Variants in BRAF observed in about 807,000 individuals in gnomAD.
BRAF encodes serine/threonine-protein kinase B-raf.
In BRAF, 16 loss-of-function variants were observed where a neutral mutation model predicts 104.6. That is an observed-to-expected ratio of 0.15 (90% CI 0.10 to 0.23). The LOEUF (loss-of-function observed/expected upper bound fraction) is 0.23, where lower values mean the gene tolerates loss of function less well. Among genes scored for constraint, BRAF ranks in the 10% least tolerant of loss-of-function variants. The probability of loss-of-function intolerance (pLI) is 1.00; values close to 1 mark genes in which losing one functional copy is unlikely to be tolerated. For synonymous variants in BRAF, 310 were observed against 341.6 expected (o/e 0.91, Z 1.02); for missense variants, 541 against 937.3 (o/e 0.58, Z 5.52).
chr7:140,779,175 G>A (rs1376903203), intron 12 of BRAF, among the ~76,000 whole-genome samples: 1 of 152,208 alleles, frequency 6.6e-6, no homozygotes, highest in African/African-American at 2.4e-5. Flanking sequence ...CCTTGGGAGA[G>A]AGGTGATTGG....
chr7:140,813,609 C>G (rs1003462161), intron 3 of BRAF, among the ~76,000 whole-genome samples: 2 of 152,042 alleles, frequency 1.3e-5, no homozygotes, highest in Non-Finnish European at 2.9e-5. Flanking sequence ...CTAGAAAGAA[C>G]CTGAATGACC....
At position 140,910,116 on chromosome 7, in the gene BRAF, T is replaced by C. The variant is rs1029163297; in HGVS notation, c.138+14450A>G. Among the ~76,000 whole-genome samples the C allele has an allele frequency of 3.3e-5, 5 of 152,230 alleles. No homozygotes were observed. In the East Asian group the frequency reaches 9.6e-4, roughly 29 times the overall value. ...GTATTTCATCTCATTGCATGCAATA[T>C]AAAGTGCACTTTTTGTCAGCCTATC... On this transcript the variant is annotated intron_variant, in intron 1 of 19. Coordinates refer to ENST00000644969, the MANE Select transcript of BRAF (RefSeq NM_001374258.1).
intron 1 of BRAF, among the ~76,000 whole-genome samples, chr7:140,888,574 C>T (rs1813836755): frequency 6.6e-6 from 1 of 152,174 alleles, no homozygotes; most frequent in Admixed American, 6.5e-5. Context: ...CAGTGGCTCA[C>T]ACCTGTAATA....
intron 10 of BRAF, among the ~76,000 whole-genome samples, chr7:140,784,147 A>T (rs552386804): frequency 1.5e-3 from 228 of 152,298 alleles, no homozygotes; most frequent in African/African-American, 5.2e-3. Flanking sequence ...GATTCTTTTT[A>T]AAAAATGACT....
intron 14 of BRAF, among the ~76,000 whole-genome samples, chr7:140,764,972 A>G (rs1221178548): frequency 6.6e-6 from 1 of 152,342 alleles, no homozygotes; most frequent in East Asian, 1.9e-4. Context: ...TGGAACCAAA[A>G]AAGAGCCCGC....
In BRAF at chr7:140,721,831, T is replaced by C. The variant is rs1585887255; in HGVS notation, c.*4663A>G. ...AGGTCATAAAGGATGCCTTGAGACCTCCACCCTGGCCCCCACAGCGCTTTG... is the reference window on the plus strand; with the variant it reads ...AGGTCATAAAGGATGCCTTGAGACCCCCACCCTGGCCCCCACAGCGCTTTG... On this transcript the variant is annotated 3_prime_UTR_variant, in exon 20 of 20. Coordinates refer to ENST00000644969, the MANE Select transcript of BRAF (RefSeq NM_001374258.1). The C allele has an allele frequency of 1.9e-5, 26 of 1,364,460 alleles. No individual in the cohort carries two copies. The African/African-American group carries it at 2.2e-4, about 12-fold the overall frequency. The allele number at this position is 1,364,460 out of a possible 1,614,324, so 84.5% of individuals were successfully genotyped here.
intron 14 of BRAF, among the ~76,000 whole-genome samples, chr7:140,754,696 G>A (rs190124271): frequency 2.1e-3 from 317 of 152,136 alleles, no homozygotes; most frequent in African/African-American, 6.9e-3. Flanking sequence ...ATGACTAACC[G>A]AACTGAAAGT....
At chr7:140,915,670 A>T (rs1340922332) in intron 1 of BRAF, among the ~76,000 whole-genome samples, 1 of 152,102 alleles carries the variant, frequency 6.6e-6, no homozygotes, top group Admixed American at 6.5e-5. Context: ...TCCTGACCTC[A>T]GGTGATCCAC....
chr7:140,736,039 A>C (rs935559323), intron 18 of BRAF, among the ~76,000 whole-genome samples: 5 of 152,014 alleles, frequency 3.3e-5, no homozygotes, highest in African/African-American at 1.2e-4. Flanking sequence ...CTCCAGGGAT[A>C]ACCACTGTTA....
intron 1 of BRAF, among the ~76,000 whole-genome samples, chr7:140,905,826 C>T (rs1340798101): frequency 1.3e-5 from 2 of 152,034 alleles, no homozygotes; most frequent in Non-Finnish European, 2.9e-5. Context: ...CGGTGGCTCA[C>T]GCCTGTAATC....
chr7:140,836,495 G>A (rs1197742032), intron 2 of BRAF, among the ~76,000 whole-genome samples: 2 of 147,952 alleles, frequency 1.4e-5, no homozygotes, highest in Admixed American at 6.6e-5. Context: ...TAAGGGGGGC[G>A]GGGAATAGTA....
intron 14 of BRAF, among the ~76,000 whole-genome samples, chr7:140,763,524 A>C (rs1799001525): frequency 6.6e-6 from 1 of 152,334 alleles, no homozygotes; most frequent in Admixed American, 6.5e-5. Flanking sequence ...TTTTGAAAGG[A>C]TCAACAAAAT....
chr7:140,890,706 C>A (rs1293871458), intron 1 of BRAF, among the ~76,000 whole-genome samples: 2 of 152,220 alleles, frequency 1.3e-5, no homozygotes, highest in Non-Finnish European at 2.9e-5. Flanking sequence ...ACCTCTGGTG[C>A]AGGGCCCCAG....
intron 2 of BRAF, among the ~76,000 whole-genome samples, chr7:140,840,738 T>C (rs1807872213): frequency 6.6e-6 from 1 of 150,456 alleles, no homozygotes; most frequent in South Asian, 2.1e-4. Context: ...TTGCAGTCAG[T>C]CGAGATGGTG....
chr7:140,802,211 G>T (rs997810178), intron 5 of BRAF, among the ~76,000 whole-genome samples: 27 of 151,926 alleles, frequency 1.8e-4, no homozygotes, highest in African/African-American at 5.8e-4. Context: ...GATTATAAAG[G>T]AGTTGAATAA....
chr7:140,726,559 A>C, intron 19 of BRAF: 1 of 1,464,060 alleles, frequency 6.8e-7, no homozygotes, highest in Non-Finnish European at 9.2e-7. Flanking sequence ...AAGTCATCTC[A>C]AATAACCTAG....
intron 1 of BRAF, among the ~76,000 whole-genome samples, chr7:140,860,522 G>A (rs570115259): frequency 2.0e-5 from 3 of 149,126 alleles, no homozygotes; most frequent in Admixed American, 1.3e-4. Flanking sequence ...CCACATACTT[G>A]TACTCCCAGC....
chr7:140,841,804 A>C (rs1419062026), intron 2 of BRAF, among the ~76,000 whole-genome samples: 1 of 152,214 alleles, frequency 6.6e-6, no homozygotes, highest in African/African-American at 2.4e-5. Flanking sequence ...ATAGTGGTGA[A>C]TATAGTAAAA....
At chr7:140,717,461 T>G (rs1393011785), downstream of BRAF, among the ~76,000 whole-genome samples, 1 of 152,166 alleles carries the variant, frequency 6.6e-6, no homozygotes, top group African/African-American at 2.4e-5. Flanking sequence ...TTGGCCAGGC[T>G]GGTCTGGAAC....
Sources: allele counts gnomAD v4.1 joint callset (sites outside exome capture counted in the v4.1 genomes callset), GRCh38; gene constraint gnomAD v4.1.1; transcripts MANE v1.5; gene names NCBI Gene and HGNC (gene_info 2026-07-23, HGNC 2026-07-21).